Variants in GMDS observed in about 807,000 individuals in gnomAD.
GMDS encodes the protein GDP-mannose 4,6 dehydratase.
A neutral mutation model predicts 49.9 loss-of-function variants in GMDS; 20 were observed. The observed-to-expected ratio is 0.40, with a 90% CI of 0.28 to 0.58. The LOEUF is 0.58. Among genes scored for constraint, GMDS ranks in the 20% least tolerant of loss-of-function variants. The probability of loss-of-function intolerance (pLI) is 0.42; values close to 1 mark genes in which losing one functional copy is unlikely to be tolerated. For missense variants in GMDS, 362 were observed against 481.4 expected, an observed-to-expected ratio of 0.75 and a Z score of 2.32; for synonymous variants, 177 against 178.6, an observed-to-expected ratio of 0.99 and a Z score of 0.07.
intron 9 of GMDS, among the ~76,000 whole-genome samples, chr6:1,664,588 C>T (rs958209512): frequency 1.3e-5 from 2 of 152,186 alleles, no homozygotes; most frequent in African/African-American, 2.4e-5. Context: ...AAGCTGAAAG[C>T]AATGTGCTTT....
chr6:1,952,423 CG>C (rs1763392637), intron 6 of GMDS, among the ~76,000 whole-genome samples: 1 of 151,988 alleles, frequency 6.6e-6, no homozygotes, highest in East Asian at 1.9e-4. Context: ...AAACGCAACA[CG>C]AAGAGCTAAT....
At chr6:1,965,591 G>A (rs188580030) in intron 4 of GMDS, among the ~76,000 whole-genome samples, 1 of 152,258 alleles carries the variant, frequency 6.6e-6, no homozygotes, top group African/African-American at 2.4e-5. Context: ...GGGAGGCTGA[G>A]GCCAGAGGAT....
intron 8 of GMDS, among the ~76,000 whole-genome samples, chr6:1,739,930 C>T (rs1163740214): frequency 1.3e-5 from 2 of 152,214 alleles, no homozygotes; most frequent in Non-Finnish European, 2.9e-5. Context: ...TAAACAGTTT[C>T]ACTATGCTTA....
chr6:2,192,625 T>C (rs756133262), intron 1 of GMDS, among the ~76,000 whole-genome samples: 51 of 152,198 alleles, frequency 3.4e-4, no homozygotes, highest in Non-Finnish European at 6.9e-4. Context: ...TGGTGCCAGC[T>C]GGGGAAGCTG....
intron 4 of GMDS, among the ~76,000 whole-genome samples, chr6:2,099,341 T>A (rs1773793473): frequency 6.6e-6 from 1 of 152,156 alleles, no homozygotes; most frequent in South Asian, 2.1e-4. Context: ...TCACATCCTA[T>A]ACAGTCAATA....
chr6:1,636,776 C>T (rs1235882168), intron 9 of GMDS, among the ~76,000 whole-genome samples: 2 of 152,228 alleles, frequency 1.3e-5, no homozygotes, highest in African/African-American at 4.8e-5. Context: ...ACCAGTGGGC[C>T]CCGGAAGGTC....
chr6:1,647,172 G>A (rs949114149), intron 9 of GMDS, among the ~76,000 whole-genome samples: 7 of 152,230 alleles, frequency 4.6e-5, no homozygotes, highest in African/African-American at 1.7e-4. Context: ...AGGAAGCTTC[G>A]AGAACAGGCC....
At chr6:1,963,089 G>A (rs1764059275) in intron 4 of GMDS, among the ~76,000 whole-genome samples, 1 of 151,068 alleles carries the variant, frequency 6.6e-6, no homozygotes, top group Non-Finnish European at 1.5e-5. Context: ...GTTGACTAGG[G>A]TGGTCTCAAA....
Position 1,960,951 on chromosome 6 carries a change from C to T in GMDS, c.361G>A (p.Ala121Thr), listed in dbSNP as rs377173865. Residue 121 changes from alanine to threonine, a missense_variant, in exon 5 of 11, where the codon GCT becomes ACT. Ala to Thr is a moderately conservative substitution (Grantham distance 58). Transcript: ENST00000380815. ...QSHVKISFDL[A>T]EYTADVDGVG... ...CCGTCAACGTCCGCAGTGTACTCAG[C>T]GAGGTCAAAGGAAATCTGGAAAAAG... 27 of 1,536,938 alleles carry T rather than the reference C, an allele frequency of 1.8e-5. No individual in the cohort carries two copies. Among genetic ancestry groups the T allele is most frequent in the African/African-American group, 1.6e-4 (12 of 74,042 alleles).
At chr6:2,140,209 C>T (rs1289086610) in intron 1 of GMDS, among the ~76,000 whole-genome samples, 10 of 151,928 alleles carry the variant, frequency 6.6e-5, no homozygotes, top group East Asian at 1.9e-4. Context: ...AGCATAATCG[C>T]GAGAGTCCTT....
chr6:1,889,999 A>G (rs2113838446), intron 7 of GMDS, among the ~76,000 whole-genome samples: 1 of 152,238 alleles, frequency 6.6e-6, no homozygotes, highest in East Asian at 1.9e-4. Context: ...TTATTTATCC[A>G]TTTATGAATT....
At chr6:1,904,076 G>C (rs1013153785) in intron 7 of GMDS, among the ~76,000 whole-genome samples, 1 of 152,180 alleles carries the variant, frequency 6.6e-6, no homozygotes, top group African/African-American at 2.4e-5. Context: ...AAGCGCTGTT[G>C]AATGTTGAGC....
At chr6:1,807,268 C>T (rs1425552349) in intron 7 of GMDS, among the ~76,000 whole-genome samples, 1 of 152,176 alleles carries the variant, frequency 6.6e-6, no homozygotes, top group African/African-American at 2.4e-5. Flanking sequence ...TCTCGAACTC[C>T]TGGGCTCAGG....
intron 1 of GMDS, among the ~76,000 whole-genome samples, chr6:2,168,397 A>G (rs141597269): frequency 1.2e-4 from 18 of 152,360 alleles, no homozygotes; most frequent in African/African-American, 3.6e-4. Context: ...GGAGCAAAGC[A>G]AAAGGTCACT....
chr6:1,688,738 A>G (rs993604297), intron 9 of GMDS, among the ~76,000 whole-genome samples: 8 of 152,238 alleles, frequency 5.3e-5, no homozygotes, highest in African/African-American at 1.9e-4. Context: ...TACAGTAGCT[A>G]TTATATAAAG....
intron 9 of GMDS, among the ~76,000 whole-genome samples, chr6:1,638,959 A>G (rs530049474): frequency 1.3e-5 from 2 of 152,254 alleles, no homozygotes; most frequent in East Asian, 3.9e-4. Context: ...ACACCTTGAA[A>G]TCTTCTTATT....
chr6:1,880,183 C>T (rs886790352), intron 7 of GMDS, among the ~76,000 whole-genome samples: 4 of 150,334 alleles, frequency 2.7e-5, no homozygotes, highest in African/African-American at 7.4e-5. Flanking sequence ...CACAGTGGCT[C>T]ACACCTGTAA....
chr6:2,222,397 C>G (rs1780633663), intron 1 of GMDS, among the ~76,000 whole-genome samples: 3 of 152,296 alleles, frequency 2.0e-5, no homozygotes, highest in Middle Eastern at 3.4e-3. Context: ...TGCTTCCATT[C>G]TCACTGCTTA....
chr6:1,686,645 A>G (rs1242989883), intron 9 of GMDS, among the ~76,000 whole-genome samples: 1 of 152,242 alleles, frequency 6.6e-6, no homozygotes, highest in Admixed American at 6.5e-5. Context: ...CATAAGCCAT[A>G]ATGGAATGTA....
Sources: allele counts gnomAD v4.1 joint callset (sites outside exome capture counted in the v4.1 genomes callset), GRCh38; gene constraint gnomAD v4.1.1; transcripts MANE v1.5; gene names NCBI Gene and HGNC (gene_info 2026-07-23, HGNC 2026-07-21).